CPNE8: variants seen among roughly 807,000 people sequenced by gnomAD.
CPNE8 encodes the protein copine-8.
A neutral mutation model predicts 81.5 loss-of-function variants in CPNE8; 45 were observed. The ratio of observed to expected loss-of-function variants is 0.55; its 90% confidence interval spans 0.44 to 0.71. The LOEUF (loss-of-function observed/expected upper bound fraction) is 0.71. Among genes scored for constraint, CPNE8 ranks in the 30% least tolerant of loss-of-function variants. CPNE8 has a pLI of 0.00. For synonymous variants in CPNE8, 252 were observed against 226.3 expected (o/e 1.11, Z -1.02); for missense variants, 594 against 672.1 (o/e 0.88, Z 1.28).
At chr12:38,656,218 T>A (rs1013991588) in intron 19 of CPNE8, among the ~76,000 whole-genome samples, 4 of 151,896 alleles carry the variant, frequency 2.6e-5, no homozygotes, top group African/African-American at 9.7e-5. Flanking sequence ...TATATCTAAT[T>A]GTAACTATAA....
intron 1 of CPNE8, among the ~76,000 whole-genome samples, chr12:38,895,294 T>G (rs1174581410): frequency 1.3e-5 from 2 of 152,062 alleles, no homozygotes; most frequent in African/African-American, 4.8e-5. Context: ...AGCTAGCAAG[T>G]TAAACGGTGA....
chr12:38,703,565 C>G (rs1041740453), intron 13 of CPNE8, among the ~76,000 whole-genome samples: 1 of 152,132 alleles, frequency 6.6e-6, no homozygotes, highest in Non-Finnish European at 1.5e-5. Context: ...GATGCCCACT[C>G]TCACCACTCC....
intron 6 of CPNE8, among the ~76,000 whole-genome samples, chr12:38,791,304 T>C (rs1372544670): frequency 6.6e-6 from 1 of 151,580 alleles, no homozygotes; most frequent in Non-Finnish European, 1.5e-5. Flanking sequence ...TATTTCTTCT[T>C]CTTCTTCTTC....
At chr12:38,876,258 C>G (rs374433032) in intron 1 of CPNE8, among the ~76,000 whole-genome samples, 7 of 152,312 alleles carry the variant, frequency 4.6e-5, no homozygotes, top group African/African-American at 1.7e-4. Flanking sequence ...GTTACCCAGG[C>G]TGGAGTGCAA....
intron 15 of CPNE8, among the ~76,000 whole-genome samples, chr12:38,691,667 T>C (rs1775692885): frequency 6.6e-6 from 1 of 152,170 alleles, no homozygotes; most frequent in African/African-American, 2.4e-5. Context: ...TTATTCTGTT[T>C]GTGCTATAAG....
intron 6 of CPNE8, among the ~76,000 whole-genome samples, chr12:38,798,512 C>T (rs868303676): frequency 1.4e-4 from 21 of 152,044 alleles, no homozygotes; most frequent in African/African-American, 5.1e-4. Context: ...GAGATGTTGT[C>T]ACCACCAGGC....
intron 6 of CPNE8, among the ~76,000 whole-genome samples, chr12:38,787,364 C>G (rs1942217717): frequency 1.3e-5 from 2 of 150,228 alleles, no homozygotes; most frequent in African/African-American, 4.9e-5. Context: ...AATGGTGGGT[C>G]AGAAATTAAG....
At chr12:38,826,924 C>A (rs531208691) in intron 6 of CPNE8, among the ~76,000 whole-genome samples, 1 of 150,368 alleles carries the variant, frequency 6.7e-6, no homozygotes, top group Non-Finnish European at 1.5e-5. Flanking sequence ...AATCCCAGAA[C>A]TTTGGGAGGC....
At chr12:38,793,388 G>C (rs1470112707) in intron 6 of CPNE8, among the ~76,000 whole-genome samples, 1 of 150,826 alleles carries the variant, frequency 6.6e-6, no homozygotes, top group Non-Finnish European at 1.5e-5. Context: ...CAAATTTGCA[G>C]GATATAAAAT....
intron 6 of CPNE8, among the ~76,000 whole-genome samples, chr12:38,783,772 G>A (rs575931003): frequency 1.1e-4 from 16 of 152,204 alleles, no homozygotes; most frequent in Non-Finnish European, 2.4e-4. Flanking sequence ...AGACTATCAA[G>A]GCAGTATCTC....
chr12:38,661,350 T>C (rs1436173727), intron 19 of CPNE8, among the ~76,000 whole-genome samples: 2 of 151,806 alleles, frequency 1.3e-5, no homozygotes, highest in Non-Finnish European at 2.9e-5. Context: ...GAGCAAACTA[T>C]CACAAGGACA....
At chr12:38,790,601 T>C (rs564623423) in intron 6 of CPNE8, among the ~76,000 whole-genome samples, 4 of 151,794 alleles carry the variant, frequency 2.6e-5, no homozygotes, top group Non-Finnish European at 5.9e-5. Flanking sequence ...ACTAAAATTG[T>C]TTAACTAGAT....
chr12:38,740,207 A>T (rs924107141), intron 10 of CPNE8, among the ~76,000 whole-genome samples: 1 of 152,078 alleles, frequency 6.6e-6, no homozygotes, highest in Admixed American at 6.6e-5. Flanking sequence ...TTTGTCTGTT[A>T]TTGGTGTATA....
chr12:38,705,548 C>A (rs1398733840), intron 13 of CPNE8, among the ~76,000 whole-genome samples: 1 of 152,078 alleles, frequency 6.6e-6, no homozygotes, highest in Non-Finnish European at 1.5e-5. Flanking sequence ...ATAACACTAA[C>A]CAGCATGAAC....
intron 19 of CPNE8, among the ~76,000 whole-genome samples, chr12:38,661,258 C>T (rs1427207868): frequency 1.3e-5 from 2 of 152,184 alleles, no homozygotes; most frequent in Admixed American, 6.5e-5. Flanking sequence ...CACACATATA[C>T]CATGGAATAC....
At chr12:38,717,758 C>G (rs925832080) in intron 13 of CPNE8, among the ~76,000 whole-genome samples, 2 of 151,252 alleles carry the variant, frequency 1.3e-5, no homozygotes, top group African/African-American at 2.4e-5. Flanking sequence ...AAAATCACCA[C>G]TAAAGAACTT....
intron 19 of CPNE8, among the ~76,000 whole-genome samples, chr12:38,669,801 C>G (rs1173009088): frequency 6.6e-6 from 1 of 152,170 alleles, no homozygotes; most frequent in Non-Finnish European, 1.5e-5. Context: ...AAGCATATTC[C>G]TTTCCCTTCA....
chr12:38,674,488 G>C (rs904854136), intron 18 of CPNE8, among the ~76,000 whole-genome samples: 2 of 152,182 alleles, frequency 1.3e-5, no homozygotes, highest in Non-Finnish European at 2.9e-5. Context: ...ACTAGTTAAT[G>C]CAGATTATCA....
chr12:38,653,934 G>T lies in CPNE8; in HGVS notation c.1643C>A (p.Pro548His). 1 of 1,613,654 alleles carries T rather than the reference G, an allele frequency of 6.2e-7. No homozygotes were observed. Among genetic ancestry groups the T allele is most frequent in the Non-Finnish European group, 8.5e-7 (1 of 1,179,950 alleles). The change falls in exon 20 of 20, where the codon CCT (proline) becomes CAT (histidine). Residue 548 changes from proline (P) to histidine (H), a missense_variant. Pro to His is a moderately conservative substitution (Grantham distance 77, BLOSUM62 -2). Transcript: ENST00000331366. Reference sequence around the variant, plus strand: ...AGGTGGGGTGTATGGGGGAGGCGCAGGTGATGGCTTGATTCCTCGGGCTCT... The same window carrying T: ...AGGTGGGGTGTATGGGGGAGGCGCATGTGATGGCTTGATTCCTCGGGCTCT... ...YMRARGIKPS[P>H]APPPYTPPTH...
Sources: gnomAD v4.1 joint callset for allele counts (sites outside exome capture counted in the v4.1 genomes callset) on GRCh38, gnomAD v4.1.1 for gene constraint, MANE v1.5 for transcripts, NCBI Gene and HGNC (gene_info 2026-07-23, HGNC 2026-07-21) for gene names.